Variants in KIAA1614 observed in about 807,000 individuals in gnomAD.
KIAA1614 encodes uncharacterized protein KIAA1614.
KIAA1614 carries 76 observed loss-of-function variants against 88.7 expected under a neutral mutation model. The observed-to-expected ratio is 0.86, with a 90% CI of 0.71 to 1.04. The LOEUF (loss-of-function observed/expected upper bound fraction) is 1.04, where lower values mean the gene tolerates loss of function less well. KIAA1614 is among the 50% of genes least tolerant of loss of function. The probability of loss-of-function intolerance (pLI) is 0.00; values close to 1 mark genes in which losing one functional copy is unlikely to be tolerated. For synonymous variants in KIAA1614, 714 were observed against 675.5 expected (o/e 1.06, Z -0.88); for missense variants, 1,553 against 1,582.5 (o/e 0.98, Z 0.32).
chr1:180,916,461 C>T lies in KIAA1614; in HGVS notation c.358C>T (p.Arg120Ter), dbSNP rs201123018. The change falls in exon 2 of 9, where the codon CGA becomes TGA. Residue 120 changes from arginine to a stop codon, truncating the protein, a stop_gained. Transcript: ENST00000367588. LOFTEE classifies it high-confidence loss of function. ...WSSPKKPQCRRGKAGRAGTPS... is the reference protein window; with the variant it reads ...WSSPKKPQCR The stretch of plus-strand genomic sequence containing the variant: ...ATCCCCCAAGAAACCCCAATGCAGA[C>T]GAGGCAAGGCAGGGAGAGCCGGGAC... 5.1e-5 allele frequency: 83 copies of T among 1,614,028 alleles called. No homozygotes were observed. The highest frequency in any genetic ancestry group is 1.8e-4 in the South Asian group (16 of 91,084).
Position 180,941,119 on chromosome 1 carries a change from G to A in KIAA1614, c.2993G>A (p.Ser998Asn). The change falls in exon 7 of 9, where the codon AGC (serine) becomes AAC (asparagine). Residue 998 changes from serine to asparagine, a missense_variant. Ser to Asn is a conservative substitution (Grantham distance 46, BLOSUM62 1). Coordinates refer to ENST00000367588, the MANE Select transcript of KIAA1614 (RefSeq NM_020950.2). Reference protein sequence around the residue: ...APLDQNKKRSSSIASTLGLKK... With the variant: ...APLDQNKKRSNSIASTLGLKK... Reference sequence around the variant, plus strand: ...TTGGACCAGAACAAGAAAAGGAGCAGCAGCATAGCCTCCACCCTGGGGCTG... The same window carrying A: ...TTGGACCAGAACAAGAAAAGGAGCAACAGCATAGCCTCCACCCTGGGGCTG... 2 of 1,612,606 alleles carry A rather than the reference G, an allele frequency of 1.2e-6. No homozygotes were observed. The highest frequency in any genetic ancestry group is 1.7e-6 in the Non-Finnish European group (2 of 1,179,662).
Position 180,946,275 on chromosome 1 carries a change from T to C in KIAA1614, c.*687T>C, listed in dbSNP as rs1311805908. The C allele has an allele frequency of 6.6e-6, 1 of 152,230 alleles. No homozygotes were observed. The highest frequency in any genetic ancestry group is 1.5e-5 in the Non-Finnish European group (1 of 68,094). 9.4% of individuals were successfully genotyped at this position (152,230 alleles called of 1,614,324 possible). ...GGAGTATGTCTGGGCACGTGGAGCATGCCTGTCTGTCTCTGCATCCCGTCC... is the reference window on the plus strand; with the variant it reads ...GGAGTATGTCTGGGCACGTGGAGCACGCCTGTCTGTCTCTGCATCCCGTCC... On this transcript the variant is annotated 3_prime_UTR_variant, in exon 9 of 9. Coordinates refer to ENST00000367588, the MANE Select transcript of KIAA1614 (RefSeq NM_020950.2).
chr1:180,923,451 G>GT (rs1553258489), intron 3 of KIAA1614, among the ~76,000 whole-genome samples: 2 of 152,186 alleles, frequency 1.3e-5, no homozygotes, highest in Non-Finnish European at 2.9e-5. Context: ...GACCAAATCC[G>GT]TATTTATTAG....
In KIAA1614 at chr1:180,946,725, A is replaced by C. The variant is rs1654604877; in HGVS notation, c.*1137A>C. ...TTGATCTCCTAGCTCAATGCTGTTT[A>C]GCCTGGAAAAAAGTCTGCCTGCTAC... On this transcript the variant is annotated 3_prime_UTR_variant, in exon 9 of 9. Transcript: ENST00000367588. 6.6e-6 allele frequency: 1 copy of C among 152,244 alleles called. No homozygotes were observed. Among genetic ancestry groups the C allele is most frequent in the African/African-American group, 2.4e-5 (1 of 41,452 alleles). 9.4% of individuals were successfully genotyped at this position (152,244 alleles called of 1,614,324 possible).
At chr1:180,921,787 TCACAGAGGGCA>T (rs1456774526) in intron 3 of KIAA1614, among the ~76,000 whole-genome samples, 1 of 152,128 alleles carries the variant, frequency 6.6e-6, no homozygotes, top group East Asian at 1.9e-4. Flanking sequence ...ACGTTGGGCC[TCACAGAGGGCA>T]AAAGGGATCT....
intron 6 of KIAA1614, 49 bp from the exon 7 acceptor site, chr1:180,940,996 C>A: frequency 7.6e-7 from 1 of 1,314,528 alleles, no homozygotes; most frequent in Non-Finnish European, 1.0e-6. Flanking sequence ...TCTCCCTGGC[C>A]ACCCTCCCGG....
At position 180,948,414 on chromosome 1, in the gene KIAA1614, A is replaced by G. The variant is rs897570335; in HGVS notation, c.*2826A>G. ...TACAACATAGAGATCACACATCCTC[A>G]ACAAAGGCCATTTCCAGCAGACAAT... is the stretch of plus-strand genomic sequence containing the variant. On this transcript the variant is annotated 3_prime_UTR_variant, in exon 9 of 9. Coordinates refer to ENST00000367588, the MANE Select transcript of KIAA1614 (RefSeq NM_020950.2). 1 of 152,220 alleles carries G rather than the reference A, an allele frequency of 6.6e-6. No individual in the cohort carries two copies. Among genetic ancestry groups the G allele is most frequent in the African/African-American group, 2.4e-5 (1 of 41,454 alleles). 9.4% of individuals were successfully genotyped at this position (152,220 alleles called of 1,614,324 possible).
At chr1:180,943,034 T>TGTTTG (rs75163385) in intron 7 of KIAA1614, among the ~76,000 whole-genome samples, 25 of 139,506 alleles carry the variant, frequency 1.8e-4, no homozygotes, top group African/African-American at 4.8e-4. Flanking sequence ...TTGGGTTTTT[T>TGTTTG]TTTTTTTTTT....
chr1:180,941,271 C>T lies in KIAA1614; in HGVS notation c.3145C>T (p.Gln1049Ter), dbSNP rs940512013. The T allele has an allele frequency of 6.2e-7, 1 of 1,609,768 alleles. No homozygotes were observed. The highest frequency in any genetic ancestry group is 8.5e-7 in the Non-Finnish European group (1 of 1,176,992). ...GTCACAGTCCAGGGCCCCATCGTTA[C>T]AATCCCTGCACCCGGTGAGTCCAGG... ...LTSQSRAPSL[Q>*]SLHPVSPSHQ... Residue 1049 changes from glutamine (Q) to a stop codon, truncating the protein, a stop_gained, in exon 7 of 9, where the codon CAA becomes TAA. Transcript: ENST00000367588. LOFTEE classifies it high-confidence loss of function.
intron 6 of KIAA1614, 147 bp downstream of exon 6, chr1:180,938,858 GC>G (rs1249205582): frequency 4.4e-6 from 3 of 675,622 alleles, no homozygotes; most frequent in Non-Finnish European, 7.5e-6. Context: ...AAGCCTGGCA[GC>G]CCTCCCACTC....
Position 180,940,630 on chromosome 1 carries a change from CTTTCTTTTCT to C in KIAA1614, c.2919-402_2919-393del, listed in dbSNP as rs779788428. 2.3e-4 allele frequency among the ~76,000 whole-genome samples: 35 copies of C among 151,908 alleles called. No homozygotes were observed. The East Asian group carries it at 2.7e-3, about 12-fold the overall frequency. Reference sequence around the variant, plus strand: ...CAGAGTATCTGGCAGTCTTTTTTTTCTTTCTTTTCTTTTCTTTTCTTTCTTTCTTTTCCTT... The same window carrying C: ...CAGAGTATCTGGCAGTCTTTTTTTTCTTTCTTTTCTTTCTTTCTTTTCCTT... On this transcript the variant is annotated intron_variant, in intron 6 of 8. Transcript: ENST00000367588.
intron 5 of KIAA1614, 126 bp from the exon 6 acceptor site, chr1:180,938,429 C>A: frequency 9.4e-7 from 1 of 1,062,360 alleles, no homozygotes; most frequent in Non-Finnish European, 1.4e-6. Flanking sequence ...CTCTCCACTG[C>A]TCTCCTTGAG....
Position 180,948,656 on chromosome 1 carries a change from C to T in KIAA1614, c.*3068C>T, listed in dbSNP as rs542348974. On this transcript the variant is annotated 3_prime_UTR_variant, in exon 9 of 9. Coordinates refer to ENST00000367588, the MANE Select transcript of KIAA1614 (RefSeq NM_020950.2). Reference sequence around the variant, plus strand: ...GGGCCCCTTCTTACCTGCCCCCTCCCCGTGCCACCAACCCGTAGACAGGGA... The same window carrying T: ...GGGCCCCTTCTTACCTGCCCCCTCCTCGTGCCACCAACCCGTAGACAGGGA... 3 of 152,418 alleles carry T rather than the reference C, an allele frequency of 2.0e-5. No homozygotes were observed. The highest frequency in any genetic ancestry group is 7.2e-5 in the African/African-American group (3 of 41,566). 9.4% of individuals were successfully genotyped at this position (152,418 alleles called of 1,614,324 possible). A position where few individuals can be genotyped will look rare whatever the true frequency, so the allele number is the denominator to read the frequency against.
In KIAA1614 at chr1:180,949,319, CCT is replaced by C. The variant is rs879923192; in HGVS notation, c.*3732_*3733del. ...AGCAAACTCAGCTTGTGTCTCAGCC[CCT>C]GTGTCCACCCAGCATGAAGCATGGG... On this transcript the variant is annotated 3_prime_UTR_variant, in exon 9 of 9. Coordinates refer to ENST00000367588, the MANE Select transcript of KIAA1614 (RefSeq NM_020950.2). 7.2e-5 allele frequency: 11 copies of C among 152,556 alleles called. No individual in the cohort carries two copies. The highest frequency in any genetic ancestry group is 3.9e-4 in the East Asian group (2 of 5,194). 9.5% of individuals were successfully genotyped at this position (152,556 alleles called of 1,614,324 possible).
chr1:180,916,129 G>A, intron 1 of KIAA1614, 25 bp from the exon 2 acceptor site: 3 of 1,520,798 alleles, frequency 2.0e-6, no homozygotes, highest in Non-Finnish European at 2.6e-6. Flanking sequence ...TGGGTCTTAG[G>A]AACTCTGTCT....
chr1:180,916,021 A>C, intron 1 of KIAA1614, 133 bp from the exon 2 acceptor site: 1 of 539,214 alleles, frequency 1.9e-6, no homozygotes, highest in Non-Finnish European at 3.1e-6. Flanking sequence ...TGATCAAGAG[A>C]GCATCCCCTG....
At position 180,916,491 on chromosome 1, in the gene KIAA1614, T is replaced by C; in HGVS notation, c.388T>C (p.Ser130Pro). 6.2e-7 allele frequency: 1 copy of C among 1,614,028 alleles called. No homozygotes were observed. Among genetic ancestry groups the C allele is most frequent in the Non-Finnish European group, 8.5e-7 (1 of 1,180,016 alleles). ...CAAGGCAGGGAGAGCCGGGACTCCA[T>C]CAGAGGGGTCTTTCCTGCCAGGTGC... The part of the protein sequence containing the change: ...RGKAGRAGTP[S>P]EGSFLPGAVV... Residue 130 changes from serine (S) to proline (P), a missense_variant, in exon 2 of 9, where the codon TCA (serine) becomes CCA (proline). Ser to Pro is a moderately conservative substitution (Grantham distance 74, BLOSUM62 -1). Coordinates refer to ENST00000367588, the MANE Select transcript of KIAA1614 (RefSeq NM_020950.2).
intron 3 of KIAA1614, among the ~76,000 whole-genome samples, chr1:180,927,482 G>A (rs549130299): frequency 4.6e-5 from 7 of 152,350 alleles, no homozygotes; most frequent in African/African-American, 1.4e-4. Flanking sequence ...ATGTGCCAGC[G>A]TTCTTCTCTG....
chr1:180,940,563 C>T (rs139542700), intron 6 of KIAA1614, among the ~76,000 whole-genome samples: 5 of 152,182 alleles, frequency 3.3e-5, no homozygotes, highest in Non-Finnish European at 4.4e-5. Context: ...AGTATTATGG[C>T]GGGGGGCTTG....
Sources: allele counts gnomAD v4.1 joint callset (sites outside exome capture counted in the v4.1 genomes callset), GRCh38; gene constraint gnomAD v4.1.1; transcripts MANE v1.5; gene names NCBI Gene and HGNC (gene_info 2026-07-23, HGNC 2026-07-21).